Variants in MYO18A observed in about 807,000 individuals in gnomAD.
MYO18A encodes the protein myosin XVIIIA, also known as unconventional myosin-XVIIIa.
Under a neutral mutation model 235.8 loss-of-function variants are expected in MYO18A, and 78 were observed. That is an observed-to-expected ratio of 0.33 (90% CI 0.28 to 0.40). The LOEUF is 0.40. MYO18A is among the 10% of genes least tolerant of loss of function. MYO18A has a pLI of 1.00. For missense variants in MYO18A, 2,215 were observed against 2,699.3 expected (o/e 0.82, Z 3.98); for synonymous variants, 977 against 1,077.8 (o/e 0.91, Z 1.83).
At chr17:29,099,942 G>A (rs1677140496) in intron 21 of MYO18A, among the ~76,000 whole-genome samples, 180 bp from the exon 22 acceptor site, 1 of 152,168 alleles carries the variant, frequency 6.6e-6, no homozygotes, top group African/African-American at 2.4e-5. Context: ...CCCTGGGAAG[G>A]TTGAGGGAGA....
intron 2 of MYO18A, among the ~76,000 whole-genome samples, chr17:29,136,407 T>TG (rs748896719): frequency 1.6e-4 from 24 of 151,550 alleles, no homozygotes; most frequent in Non-Finnish European, 2.8e-4. Context: ...GCATATGTGT[T>TG]GGGAACATAT....
At chr17:29,173,017 G>A (rs563052433) in intron 1 of MYO18A, among the ~76,000 whole-genome samples, 18 of 152,142 alleles carry the variant, frequency 1.2e-4, no homozygotes, top group African/African-American at 4.1e-4. Context: ...ATTAGGGCAT[G>A]GGATGCAGGG....
At chr17:29,107,213 G>C in intron 19 of MYO18A, 24 bp from the exon 20 acceptor site, 1 of 1,611,664 alleles carries the variant, frequency 6.2e-7, no homozygotes, top group South Asian at 1.1e-5. Flanking sequence ...CCCAGAGCCA[G>C]GCCTGTCAAC....
intron 2 of MYO18A, among the ~76,000 whole-genome samples, chr17:29,157,127 G>A (rs1405674308): frequency 6.6e-6 from 1 of 152,214 alleles, no homozygotes; most frequent in East Asian, 1.9e-4. Flanking sequence ...CAACGTCCCA[G>A]ACTCCCAGAT....
chr17:29,149,552 A>T (rs1205730043), intron 2 of MYO18A, among the ~76,000 whole-genome samples: 1 of 152,018 alleles, frequency 6.6e-6, no homozygotes, highest in Admixed American at 6.6e-5. Flanking sequence ...GTGCCACCAC[A>T]CCTTTTCGGG....
At chr17:29,162,455 T>G (rs922031430) in intron 2 of MYO18A, among the ~76,000 whole-genome samples, 9 of 152,190 alleles carry the variant, frequency 5.9e-5, no homozygotes, top group Non-Finnish European at 1.2e-4. Context: ...GGCATGTGTT[T>G]GTGACAGTGT....
chr17:29,111,680 T>C lies in MYO18A; in HGVS notation c.2740+42A>G. 6.2e-7 allele frequency: 1 copy of C among 1,612,574 alleles called. No individual in the cohort carries two copies. The highest frequency in any genetic ancestry group is 2.2e-5 in the East Asian group (1 of 44,846). ...AGTGCCACCTGGACCCACCTGTATG[T>C]AAGAGGAAGCAGAGGAGCTACCCTC... On this transcript the variant is annotated intron_variant, in intron 16 of 41. Transcript: ENST00000527372. The surrounding 1 kb of genome is among the most constrained non-coding windows in gnomAD (Gnocchi z 5.1).
rs1298968459 is a variant in MYO18A, at chr17:29,073,107, G to C, written c.*1663C>G. 6.7e-6 allele frequency: 1 copy of C among 148,752 alleles called. No individual in the cohort carries two copies. Among genetic ancestry groups the C allele is most frequent in the Non-Finnish European group, 1.5e-5 (1 of 67,492 alleles). The allele number at this position is 148,752 out of a possible 1,614,324, so 9.2% of individuals were successfully genotyped here. Reference sequence around the variant, plus strand: ...AATGAAAGAAAGAAAGAGAGAGAGAGAGGGAGAGAGGGAGGGACGGAAGGA... The same window carrying C: ...AATGAAAGAAAGAAAGAGAGAGAGACAGGGAGAGAGGGAGGGACGGAAGGA... On this transcript the variant is annotated 3_prime_UTR_variant, in exon 42 of 42. Transcript: ENST00000527372.
chr17:29,148,866 G>A lies in MYO18A; in HGVS notation c.999+17076C>T, dbSNP rs528189335. Reference sequence around the variant, plus strand: ...CAGCCACTCAGCACCCTACGCACGGGTCAGGCTCTGTGAGGGCCGAGTCAG... The same window carrying A: ...CAGCCACTCAGCACCCTACGCACGGATCAGGCTCTGTGAGGGCCGAGTCAG... On this transcript the variant is annotated intron_variant, in intron 2 of 41. Transcript: ENST00000527372. Among the ~76,000 whole-genome samples, 6 of 152,316 alleles carry A rather than the reference G, an allele frequency of 3.9e-5. No homozygotes were observed. The South Asian group carries it at 1.0e-3, about 26-fold the overall frequency.
Position 29,109,948 on chromosome 17 carries a change from C to G in MYO18A, c.3241G>C (p.Glu1081Gln), listed in dbSNP as rs368554128. 4 of 1,607,162 alleles carry G rather than the reference C, an allele frequency of 2.5e-6. No individual in the cohort carries two copies. Among genetic ancestry groups the G allele is most frequent in the Non-Finnish European group, 3.4e-6 (4 of 1,177,210 alleles). Residue 1081 changes from glutamate (E) to glutamine (Q), a missense_variant, in exon 19 of 42, where the codon GAG (glutamate) becomes CAG (glutamine). Coordinates refer to ENST00000527372, the MANE Select transcript of MYO18A (RefSeq NM_078471.4). This position sits in a 1 kb window ranked among gnomAD's most constrained non-coding sequence, Gnocchi z 4.1. ...ACGTCGAGCTGCAGGAGCCCAGCCT[C>G]GCAGTGGTCTCCCGAGGGCAGGTCC... ...ELDLPSGDHC[E>Q]AGLLQLDVPL...
intron 2 of MYO18A, among the ~76,000 whole-genome samples, chr17:29,148,891 G>T (rs2152943375): frequency 6.6e-6 from 1 of 152,310 alleles, no homozygotes; most frequent in South Asian, 2.1e-4. Context: ...GGCCGAGTCA[G>T]CCCCAGGCCC....
At chr17:29,171,843 C>T (rs562708270) in intron 1 of MYO18A, among the ~76,000 whole-genome samples, 105 of 150,184 alleles carry the variant, frequency 7.0e-4, no homozygotes, top group African/African-American at 2.3e-3. Context: ...CATTGAGCCA[C>T]GATCATGCCA....
chr17:29,090,470 G>T, intron 36 of MYO18A, 62 bp downstream of exon 36: 1 of 1,445,132 alleles, frequency 6.9e-7, no homozygotes, highest in Non-Finnish European at 9.5e-7. Context: ...GAACTTGGGG[G>T]TTCCTCCCAC....
At position 29,125,654 on chromosome 17, in the gene MYO18A, G is replaced by C. The variant is rs1013754137; in HGVS notation, c.1000-3401C>G. 6.6e-6 allele frequency among the ~76,000 whole-genome samples: 1 copy of C among 152,222 alleles called. No individual in the cohort carries two copies. The highest frequency in any genetic ancestry group is 1.5e-5 in the Non-Finnish European group (1 of 68,040). ...GACAATGTGGCCAGAGAAAGGGACTGGGCCCTGAGCGAGGAGGGGTGCCCT... is the reference window on the plus strand; with the variant it reads ...GACAATGTGGCCAGAGAAAGGGACTCGGCCCTGAGCGAGGAGGGGTGCCCT... On this transcript the variant is annotated intron_variant, in intron 2 of 41. Transcript: ENST00000527372. This position sits in a 1 kb window ranked among gnomAD's most constrained non-coding sequence, Gnocchi z 5.1.
intron 40 of MYO18A, among the ~76,000 whole-genome samples, chr17:29,084,666 C>T (rs996173941): frequency 6.6e-6 from 1 of 152,164 alleles, no homozygotes; most frequent in African/African-American, 2.4e-5. Context: ...TCCAGCGGCC[C>T]TCTATCACTG....
intron 13 of MYO18A, 66 bp downstream of exon 13, chr17:29,115,285 G>C (rs2067030633): frequency 6.4e-7 from 1 of 1,568,424 alleles, no homozygotes. Flanking sequence ...CGGCCAACAA[G>C]GCATGAAGGC....
intron 2 of MYO18A, among the ~76,000 whole-genome samples, chr17:29,123,115 A>T (rs932641273): frequency 2.0e-5 from 3 of 152,232 alleles, no homozygotes; most frequent in African/African-American, 7.2e-5. Context: ...CAACTCAGAC[A>T]TAAGCATTCA....
In MYO18A at chr17:29,090,036, C is replaced by T; in HGVS notation, c.5451G>A (p.Val1817=). 1 of 1,613,998 alleles carries T rather than the reference C, an allele frequency of 6.2e-7. No homozygotes were observed. The highest frequency in any genetic ancestry group is 1.1e-5 in the South Asian group (1 of 91,066). ...LEQSMVDKSL[V]SRQEAKIREL... Reference sequence around the variant, plus strand: ...CCCGTATCTTAGCTTCCTGCCTGCTCACCAGGGACTTGTCCACCATGGACT... The same window carrying T: ...CCCGTATCTTAGCTTCCTGCCTGCTTACCAGGGACTTGTCCACCATGGACT... Residue 1817 remains valine (V), a synonymous_variant, in exon 37 of 42, where the codon GTG becomes GTA. Coordinates refer to ENST00000527372, the MANE Select transcript of MYO18A (RefSeq NM_078471.4).
chr17:29,079,645 G>A (rs888615951), intron 41 of MYO18A: 21 of 923,790 alleles, frequency 2.3e-5, no homozygotes, highest in Non-Finnish European at 2.6e-5. Flanking sequence ...GGGCCCTAAG[G>A]TGGCGGCCTG....
Sources: allele counts gnomAD v4.1 joint callset (sites outside exome capture counted in the v4.1 genomes callset), GRCh38; gene constraint gnomAD v4.1.1; non-coding constraint Gnocchi (gnomAD v3.1); transcripts MANE v1.5; gene names NCBI Gene and HGNC (gene_info 2026-07-23, HGNC 2026-07-21).